The following MKLN1 variants were observed in gnomAD, a reference collection of about 807,000 sequenced individuals.
MKLN1 encodes the protein muskelin 1.
Under a neutral mutation model 99.0 loss-of-function variants are expected in MKLN1, and 18 were observed. The observed-to-expected ratio is 0.18, with a 90% CI of 0.13 to 0.27. The LOEUF (loss-of-function observed/expected upper bound fraction) is 0.27, where lower values mean the gene tolerates loss of function less well. Among genes scored for constraint, MKLN1 ranks in the 10% least tolerant of loss-of-function variants. The probability of loss-of-function intolerance (pLI) is 1.00; values close to 1 mark genes in which losing one functional copy is unlikely to be tolerated. For missense variants in MKLN1, 621 were observed against 875.9 expected (o/e 0.71, Z 3.67); for synonymous variants, 288 against 293.2 (o/e 0.98, Z 0.18).
At chr7:131,347,957 A>G (rs955951510) in intron 1 of MKLN1, among the ~76,000 whole-genome samples, 1 of 152,222 alleles carries the variant, frequency 6.6e-6, no homozygotes, top group African/African-American at 2.4e-5. Context: ...GTATAGTAAC[A>G]AACTAATGGT....
intron 10 of MKLN1, among the ~76,000 whole-genome samples, chr7:131,442,520 C>T (rs1262555683): frequency 4.6e-5 from 7 of 151,936 alleles, no homozygotes; most frequent in East Asian, 1.9e-4. Context: ...GCACTCTAGC[C>T]TGGGCAACAA....
rs778032182 is a variant in MKLN1, at chr7:131,399,231, G to T, written c.511-10G>T. The T allele has an allele frequency of 6.2e-7, 1 of 1,611,692 alleles. No individual in the cohort carries two copies. The highest frequency in any genetic ancestry group is 1.1e-5 in the South Asian group (1 of 91,026). On this transcript the variant is annotated splice_polypyrimidine_tract_variant and intron_variant, in intron 5 of 17. Coordinates refer to ENST00000352689, the MANE Select transcript of MKLN1 (RefSeq NM_013255.5). The stretch of plus-strand genomic sequence containing the variant: ...TCTCTTCTTTCCATACTTACTCTGT[G>T]TTCTAGTAGTACCGTGAACAGGAAG...
At chr7:131,340,174 A>AC (rs1466511182) in intron 1 of MKLN1, among the ~76,000 whole-genome samples, 1 of 140,532 alleles carries the variant, frequency 7.1e-6, no homozygotes, top group Non-Finnish European at 1.5e-5. Context: ...ATCCTGCCTG[A>AC]CCCCCCTTTC....
At chr7:131,186,938 G>A (rs370778565) in intron 2 of MKLN1, among the ~76,000 whole-genome samples, 2 of 152,212 alleles carry the variant, frequency 1.3e-5, no homozygotes, top group African/African-American at 2.4e-5. Flanking sequence ...GCGTGTAGGC[G>A]TTAGCCAGTA....
At chr7:131,117,259 G>T (rs534873096) in intron 1 of MKLN1, among the ~76,000 whole-genome samples, 1 of 151,822 alleles carries the variant, frequency 6.6e-6, no homozygotes, top group South Asian at 2.1e-4. Flanking sequence ...GTGAAACCTC[G>T]TCTCTACTAA....
At chr7:131,211,156 G>A (rs1796901681) in intron 3 of MKLN1, among the ~76,000 whole-genome samples, 1 of 151,994 alleles carries the variant, frequency 6.6e-6, no homozygotes, top group Non-Finnish European at 1.5e-5. Context: ...GCCAAATGAA[G>A]CTTTTAGCAC....
At chr7:131,395,240 T>C (rs1473963001) in intron 4 of MKLN1, among the ~76,000 whole-genome samples, 1 of 152,000 alleles carries the variant, frequency 6.6e-6, no homozygotes, top group Admixed American at 6.5e-5. Flanking sequence ...CTTTCAAGAA[T>C]AAAATGGCAT....
chr7:131,248,664 T>C (rs1487122828), intron 3 of MKLN1, among the ~76,000 whole-genome samples: 8 of 152,170 alleles, frequency 5.3e-5, no homozygotes, highest in Non-Finnish European at 2.9e-5. Context: ...CAAAATCCAT[T>C]TTTTTTCTCA....
chr7:131,443,828 C>G (rs2116507843), intron 11 of MKLN1, 126 bp downstream of exon 11: 1 of 728,194 alleles, frequency 1.4e-6, no homozygotes, highest in Middle Eastern at 3.7e-4. Context: ...GACAAAACTT[C>G]TTTAACAGTG....
intron 12 of MKLN1, among the ~76,000 whole-genome samples, chr7:131,455,955 A>G (rs1796323474): frequency 6.6e-6 from 1 of 152,134 alleles, no homozygotes; most frequent in Admixed American, 6.5e-5. Flanking sequence ...CTGAGGCAGG[A>G]TAATTGCTGG....
rs558730163 is a variant in MKLN1, at chr7:131,146,742, G to A, written c.-297+3801G>A. On this transcript the variant is annotated intron_variant, in intron 2 of 7. Transcript: ENST00000416992. ...GGACCCTCAGCAAAAGTGATAATCC[G>A]TCACTCCCGGCAAAGGCCTTGAGAA... 5.9e-5 allele frequency among the ~76,000 whole-genome samples: 9 copies of A among 152,274 alleles called. No homozygotes were observed. In the South Asian group the frequency reaches 1.5e-3, roughly 25 times the overall value.
intron 2 of MKLN1, among the ~76,000 whole-genome samples, chr7:131,183,786 C>T (rs1324787867): frequency 6.6e-6 from 1 of 152,126 alleles, no homozygotes; most frequent in African/African-American, 2.4e-5. Context: ...CCAACAAGCA[C>T]TATCTTGCCC....
chr7:131,230,604 A>G (rs890212021), intron 3 of MKLN1, among the ~76,000 whole-genome samples: 3 of 152,292 alleles, frequency 2.0e-5, no homozygotes, highest in Middle Eastern at 6.8e-3. Context: ...AAGAGCATGT[A>G]TTTACCATAC....
At chr7:131,413,270 A>T (rs181683301) in intron 7 of MKLN1, among the ~76,000 whole-genome samples, 11 of 152,358 alleles carry the variant, frequency 7.2e-5, no homozygotes, top group African/African-American at 2.6e-4. Flanking sequence ...TAGCCGCTGA[A>T]TACAGTAGTA....
At chr7:131,217,490 G>C (rs562968020) in intron 3 of MKLN1, among the ~76,000 whole-genome samples, 5 of 152,312 alleles carry the variant, frequency 3.3e-5, no homozygotes, top group South Asian at 2.1e-4. Flanking sequence ...CTGAGGTCAG[G>C]AGTTCGAGAC....
rs1554534643 is a variant in MKLN1 at position 131,192,086 on chromosome 7, TTA to T, written c.-296-10761_-296-10760del. On this transcript the variant is annotated intron_variant, in intron 2 of 7. Coordinates refer to the MKLN1 transcript ENST00000416992. ...TATATATTATATATATACATATATA[TTA>T]TATATATATGTATATATATATTATA... Among the ~76,000 whole-genome samples, 43 of 81,334 alleles carry T rather than the reference TTA, an allele frequency of 5.3e-4. 3 individuals are homozygous for T. The highest frequency in any genetic ancestry group is 6.6e-4 in the East Asian group (3 of 4,540). 53.4% of individuals were successfully genotyped at this position (81,334 alleles called of 152,430 possible).
chr7:131,470,995 TC>T, intron 16 of MKLN1, 51 bp downstream of exon 16: 1 of 1,285,548 alleles, frequency 7.8e-7, no homozygotes, highest in Non-Finnish European at 1.1e-6. Context: ...TTAAATGTCT[TC>T]CTAACTTATA....
At chr7:131,178,138 C>T (rs999078166) in intron 2 of MKLN1, among the ~76,000 whole-genome samples, 1 of 152,100 alleles carries the variant, frequency 6.6e-6, no homozygotes, top group African/African-American at 2.4e-5. Flanking sequence ...GTTTTTGAGA[C>T]GGAGTTTCGC....
At chr7:131,266,176 A>C (rs1485927685) in intron 3 of MKLN1, among the ~76,000 whole-genome samples, 1 of 108,830 alleles carries the variant, frequency 9.2e-6, no homozygotes, top group African/African-American at 3.0e-5. Context: ...TGCATCTCAA[A>C]AAAAAAAAAA....
Sources: allele counts gnomAD v4.1 joint callset (sites outside exome capture counted in the v4.1 genomes callset), GRCh38; gene constraint gnomAD v4.1.1; transcripts MANE v1.5; gene names NCBI Gene and HGNC (gene_info 2026-07-23, HGNC 2026-07-21).